The following HMBOX1 variants were observed in gnomAD, a reference collection of about 807,000 sequenced individuals.
HMBOX1 encodes homeobox-containing protein 1.
In HMBOX1, 14 loss-of-function variants were observed where a neutral mutation model predicts 54.5. The ratio of observed to expected loss-of-function variants is 0.26; its 90% CI spans 0.17 to 0.40. The LOEUF is 0.40. Ranked by LOEUF, HMBOX1 falls within the 10% of genes least tolerant of loss-of-function variation. HMBOX1 has a pLI of 1.00. For synonymous variants in HMBOX1, 160 were observed against 181.0 expected (o/e 0.88, Z 0.93); for missense variants, 332 against 514.4 (o/e 0.65, Z 3.43).
chr8:28,901,961 A>G (rs4732892), intron 1 of HMBOX1, among the ~76,000 whole-genome samples: 139,044 of 152,278 alleles, frequency 0.91, 63,665 homozygotes, highest in African/African-American at 0.98. Context: ...CTGAAGAGAC[A>G]TATCCCAGTG....
At chr8:28,905,332 C>T (rs999597726) in intron 1 of HMBOX1, among the ~76,000 whole-genome samples, 8 of 152,128 alleles carry the variant, frequency 5.3e-5, no homozygotes, top group African/African-American at 1.2e-4. Flanking sequence ...ACCAGGCGCG[C>T]GTGCATGCGC....
intron 5 of HMBOX1, among the ~76,000 whole-genome samples, chr8:29,013,731 A>T (rs535081238): frequency 2.7e-4 from 41 of 152,120 alleles, no homozygotes; most frequent in South Asian, 1.5e-3. Flanking sequence ...CCTATTTTTT[A>T]AAAAAAAGTG....
At chr8:28,937,815 A>G (rs1222813492) in intron 1 of HMBOX1, among the ~76,000 whole-genome samples, 1 of 152,242 alleles carries the variant, frequency 6.6e-6, no homozygotes, top group African/African-American at 2.4e-5. Flanking sequence ...TTTAAAAATT[A>G]GAAAGTTTTG....
At chr8:29,028,642 A>G (rs1228772374) in intron 6 of HMBOX1, among the ~76,000 whole-genome samples, 1 of 152,200 alleles carries the variant, frequency 6.6e-6, no homozygotes, top group Admixed American at 6.5e-5. Flanking sequence ...CTGCAGTGCA[A>G]CTTGCCTAGT....
At chr8:29,015,444 G>A (rs1215514967) in intron 5 of HMBOX1, among the ~76,000 whole-genome samples, 6 of 152,052 alleles carry the variant, frequency 3.9e-5, no homozygotes, top group Non-Finnish European at 1.5e-5. Context: ...CATGATAACC[G>A]GTTGGCTCTG....
chr8:29,040,726 A>G (rs1399557368), intron 6 of HMBOX1, among the ~76,000 whole-genome samples: 3 of 152,180 alleles, frequency 2.0e-5, no homozygotes, highest in African/African-American at 7.2e-5. Context: ...ATTTAAAACC[A>G]TATTGAATCA....
At chr8:28,974,733 A>G (rs1828082729) in intron 3 of HMBOX1, among the ~76,000 whole-genome samples, 1 of 152,202 alleles carries the variant, frequency 6.6e-6, no homozygotes, top group African/African-American at 2.4e-5. Flanking sequence ...CTTTGTCTCC[A>G]TAGGTGAAAA....
chr8:29,016,621 G>T (rs545301444), intron 5 of HMBOX1, among the ~76,000 whole-genome samples: 1 of 152,318 alleles, frequency 6.6e-6, no homozygotes, highest in Non-Finnish European at 1.5e-5. Flanking sequence ...TTCTGTAGAG[G>T]TTGCTGTCCA....
chr8:28,952,016 T>G (rs951200707), intron 1 of HMBOX1, among the ~76,000 whole-genome samples: 20 of 151,994 alleles, frequency 1.3e-4, no homozygotes, highest in African/African-American at 4.3e-4. Context: ...CTACAAAAAT[T>G]TTTTTAAAAA....
At chr8:28,903,569 T>C (rs1425887634) in intron 1 of HMBOX1, among the ~76,000 whole-genome samples, 1 of 152,212 alleles carries the variant, frequency 6.6e-6, no homozygotes, top group Non-Finnish European at 1.5e-5. Context: ...TCTGTCTTGA[T>C]CTCAGCAAAA....
At chr8:28,912,082 T>C (rs1815555020) in intron 1 of HMBOX1, among the ~76,000 whole-genome samples, 1 of 152,234 alleles carries the variant, frequency 6.6e-6, no homozygotes, top group Non-Finnish European at 1.5e-5. Context: ...ATATCTCATT[T>C]AATTTATTGA....
chr8:28,987,727 C>T (rs533784594), intron 4 of HMBOX1, among the ~76,000 whole-genome samples: 15 of 152,254 alleles, frequency 9.9e-5, no homozygotes, highest in South Asian at 6.2e-4. Context: ...AAGTAAGGAA[C>T]TGATGCTTGC....
intron 1 of HMBOX1, among the ~76,000 whole-genome samples, chr8:28,913,078 T>C (rs1188848495): frequency 6.6e-6 from 1 of 152,134 alleles, no homozygotes; most frequent in Non-Finnish European, 1.5e-5. Flanking sequence ...TTTCCTCCTA[T>C]AGTCACCCTG....
chr8:28,907,527 A>G lies in HMBOX1; in HGVS notation c.-58+16849A>G, dbSNP rs965216020. Among the ~76,000 whole-genome samples the G allele has an allele frequency of 1.4e-4, 21 of 152,214 alleles. 1 individual carries two copies. Among genetic ancestry groups the G allele is most frequent in the Admixed American group, 9.2e-4 (14 of 15,288 alleles). ...AGTTTATCTCTATTATATAGTGTACATTATCTAAACATCTCATCCAGGTAG... is the reference window on the plus strand; with the variant it reads ...AGTTTATCTCTATTATATAGTGTACGTTATCTAAACATCTCATCCAGGTAG... On this transcript the variant is annotated intron_variant, in intron 1 of 9. Coordinates refer to ENST00000287701, the MANE Select transcript of HMBOX1 (RefSeq NM_001135726.3).
chr8:28,993,520 A>G (rs1416397759), intron 4 of HMBOX1, among the ~76,000 whole-genome samples: 2 of 152,192 alleles, frequency 1.3e-5, no homozygotes, highest in East Asian at 3.8e-4. Flanking sequence ...ATGGAGTACT[A>G]TTTGTCCATT....
intron 4 of HMBOX1, 34 bp downstream of exon 4, chr8:28,980,190 T>C (rs1268651247): frequency 8.3e-6 from 12 of 1,451,438 alleles, no homozygotes; most frequent in Non-Finnish European, 1.2e-5. Context: ...TCTGGAATCA[T>C]GTGTAGTCTC....
chr8:28,980,663 C>T (rs906920257), intron 4 of HMBOX1, among the ~76,000 whole-genome samples: 1 of 152,100 alleles, frequency 6.6e-6, no homozygotes, highest in Non-Finnish European at 1.5e-5. Context: ...ATCCCATTCT[C>T]CACCCCCACC....
intron 4 of HMBOX1, among the ~76,000 whole-genome samples, chr8:29,000,397 G>A (rs1464069044): frequency 6.6e-6 from 1 of 152,132 alleles, no homozygotes; most frequent in East Asian, 1.9e-4. Flanking sequence ...CCCTATACAA[G>A]TTCATGACCT....
intron 6 of HMBOX1, among the ~76,000 whole-genome samples, chr8:29,034,000 T>C (rs1276820758): frequency 6.6e-6 from 1 of 152,224 alleles, no homozygotes; most frequent in Non-Finnish European, 1.5e-5. Context: ...CCAATCATTG[T>C]AATAGATAAC....
Sources: allele counts gnomAD v4.1 joint callset (sites outside exome capture counted in the v4.1 genomes callset), GRCh38; gene constraint gnomAD v4.1.1; transcripts MANE v1.5; gene names NCBI Gene and HGNC (gene_info 2026-07-23, HGNC 2026-07-21).